Variants in LIN52 observed in about 807,000 individuals in gnomAD.
LIN52 encodes the protein lin-52 DREAM MuvB core complex component.
Under a neutral mutation model 18.5 loss-of-function variants are expected in LIN52, and 4 were observed. The observed-to-expected ratio is 0.22, with a 90% CI of 0.11 to 0.49. The LOEUF (loss-of-function observed/expected upper bound fraction) is 0.49, where lower values mean the gene tolerates loss of function less well. Among genes scored for constraint, LIN52 ranks in the 20% least tolerant of loss-of-function variants. LIN52 has a pLI of 0.97. For missense variants in LIN52, 102 were observed against 139.5 expected (o/e 0.73, Z 1.35); for synonymous variants, 34 against 45.5 (o/e 0.75, Z 1.02).
At position 74,192,381 on chromosome 14, in the gene LIN52, G is replaced by A. The variant is rs569872716; in HGVS notation, c.284-6541G>A. 1.3e-4 allele frequency among the ~76,000 whole-genome samples: 20 copies of A among 152,274 alleles called. No individual in the cohort carries two copies. The South Asian group carries it at 4.1e-3, about 32-fold the overall frequency. ...GCTCACTGCAACCTCTGCCTCCTGG[G>A]TTCAAGCGATTCTCCTGCCTCAGCC... On this transcript the variant is annotated intron_variant, in intron 5 of 5. Coordinates refer to ENST00000555028, the MANE Select transcript of LIN52 (RefSeq NM_001024674.3).
At chr14:74,197,029 A>G (rs2078916895) in intron 5 of LIN52, among the ~76,000 whole-genome samples, 1 of 152,130 alleles carries the variant, frequency 6.6e-6, no homozygotes, top group African/African-American at 2.4e-5. Context: ...TTAGTCCTTG[A>G]CCCCAGTCTC....
At chr14:74,105,746 G>GGATGAATCCCCAAGGATTCCCCAAGGA (rs1204596822) in intron 5 of LIN52, among the ~76,000 whole-genome samples, 4 of 152,098 alleles carry the variant, frequency 2.6e-5, no homozygotes, top group African/African-American at 9.7e-5. Context: ...AAGGACCAGT[G>GGATGAATCCCCAAGGATTCCCCAAGGA]ATCCTGTTTT....
intron 5 of LIN52, among the ~76,000 whole-genome samples, chr14:74,128,709 A>C (rs2061042366): frequency 6.6e-6 from 1 of 152,202 alleles, no homozygotes; most frequent in Non-Finnish European, 1.5e-5. Flanking sequence ...TGGGAGGCTG[A>C]GACAGGCAGA....
At chr14:74,093,840 G>T (rs550584015) in intron 2 of LIN52, among the ~76,000 whole-genome samples, 2 of 152,152 alleles carry the variant, frequency 1.3e-5, no homozygotes, top group Admixed American at 6.6e-5. Context: ...GGTGGCACAT[G>T]CCTGTAATCC....
At chr14:74,125,460 GTTGT>G (rs1311492046) in intron 5 of LIN52, among the ~76,000 whole-genome samples, 1 of 152,066 alleles carries the variant, frequency 6.6e-6, no homozygotes, top group Admixed American at 6.6e-5. Flanking sequence ...TTTTGATGGG[GTTGT>G]TTGTTTTTTT....
chr14:74,199,109 G>A lies in LIN52; in HGVS notation c.*132G>A. 1.5e-6 allele frequency: 1 copy of A among 646,338 alleles called. No homozygotes were observed. 40.0% of individuals were successfully genotyped at this position (646,338 alleles called of 1,614,324 possible). On this transcript the variant is annotated 3_prime_UTR_variant, in exon 6 of 6. Transcript: ENST00000555028. ...TACCTCCAGGACTGCCCTCTCCCCT[G>A]CTCCTGGCACTCTACACGTCTGAGG...
chr14:74,164,614 G>T (rs998967668), intron 5 of LIN52, among the ~76,000 whole-genome samples: 1 of 152,062 alleles, frequency 6.6e-6, no homozygotes, highest in Non-Finnish European at 1.5e-5. Context: ...AATTATGCAC[G>T]CATTATATGC....
chr14:74,129,494 T>A (rs889867337), intron 5 of LIN52, among the ~76,000 whole-genome samples: 3 of 152,136 alleles, frequency 2.0e-5, no homozygotes, highest in African/African-American at 7.2e-5. Flanking sequence ...AGATCAGGTT[T>A]GTGAGTTGGT....
chr14:74,181,124 A>G (rs926574112), intron 5 of LIN52, among the ~76,000 whole-genome samples: 27 of 114,004 alleles, frequency 2.4e-4, no homozygotes, highest in African/African-American at 5.4e-4. Flanking sequence ...AAAAAAAAAA[A>G]AAAAGAAAAA....
chr14:74,092,786 G>T (rs2060781896), intron 2 of LIN52, among the ~76,000 whole-genome samples: 1 of 151,476 alleles, frequency 6.6e-6, no homozygotes, highest in Admixed American at 6.6e-5. Flanking sequence ...CCGTGGTGGT[G>T]CACACCTGCT....
At chr14:74,149,360 T>C (rs1292095947) in intron 5 of LIN52, among the ~76,000 whole-genome samples, 1 of 152,198 alleles carries the variant, frequency 6.6e-6, no homozygotes, top group East Asian at 1.9e-4. Flanking sequence ...ACGATTAGAC[T>C]GACGTAAAGC....
intron 5 of LIN52, among the ~76,000 whole-genome samples, chr14:74,169,175 G>C (rs971678825): frequency 6.6e-6 from 1 of 152,192 alleles, no homozygotes; most frequent in Non-Finnish European, 1.5e-5. Context: ...CCTTACCTTA[G>C]TGACTGTTTC....
chr14:74,173,242 C>CA (rs1347274014), intron 5 of LIN52, among the ~76,000 whole-genome samples: 1 of 152,150 alleles, frequency 6.6e-6, no homozygotes, highest in African/African-American at 2.4e-5. Context: ...GGCTGGAGTG[C>CA]AATGGCATGA....
rs548135319 is a variant in LIN52 at position 74,163,292 on chromosome 14, C to T, written c.284-35630C>T. Among the ~76,000 whole-genome samples, 10 of 152,210 alleles carry T rather than the reference C, an allele frequency of 6.6e-5. No homozygotes were observed. The South Asian group carries it at 2.1e-3, about 32-fold the overall frequency. ...ACGGGGTTTCACCATATTGCCCGGG[C>T]TGGTCTCAAACTTCTTACCTCAAGC... On this transcript the variant is annotated intron_variant, in intron 5 of 5. Coordinates refer to ENST00000555028, the MANE Select transcript of LIN52 (RefSeq NM_001024674.3).
At chr14:74,178,705 C>G (rs1344707353) in intron 5 of LIN52, among the ~76,000 whole-genome samples, 2 of 151,662 alleles carry the variant, frequency 1.3e-5, no homozygotes, top group Non-Finnish European at 2.9e-5. Flanking sequence ...AGTGATCCAC[C>G]CACCTCAACC....
rs2139848252 is a variant in LIN52 at position 74,091,217 on chromosome 14, G to T, written c.20-15G>T. The T allele has an allele frequency of 1.9e-6, 3 of 1,589,852 alleles. No homozygotes were observed. The highest frequency in any genetic ancestry group is 2.6e-6 in the Non-Finnish European group (3 of 1,159,592). On this transcript the variant is annotated splice_polypyrimidine_tract_variant and intron_variant, in intron 1 of 5. Transcript: ENST00000555028. ...GTTTCCTGTCTTCTTGGTTCATCTGGATGTTTTGTTCTAGGGACAGATCTG... is the reference window on the plus strand; with the variant it reads ...GTTTCCTGTCTTCTTGGTTCATCTGTATGTTTTGTTCTAGGGACAGATCTG...
At chr14:74,185,567 C>A (rs1175875934) in intron 5 of LIN52, among the ~76,000 whole-genome samples, 1 of 151,972 alleles carries the variant, frequency 6.6e-6, no homozygotes, top group Non-Finnish European at 1.5e-5. Context: ...CCTGCCTCGG[C>A]CTCCGAAAGT....
Position 74,190,455 on chromosome 14 carries a change from G to A in LIN52, c.284-8467G>A, listed in dbSNP as rs999532578. On this transcript the variant is annotated intron_variant, in intron 5 of 5. Transcript: ENST00000555028. ...CACCCAGGCTTGAGTACACTGGTGC[G>A]ATCTCAGCTCACTGCAACCTCCGCC... Among the ~76,000 whole-genome samples the A allele has an allele frequency of 3.7e-5, 5 of 134,886 alleles. No homozygotes were observed. In the East Asian group the frequency reaches 7.5e-4, roughly 20 times the overall value. 88.5% of individuals were successfully genotyped at this position (134,886 alleles called of 152,430 possible). A position where few individuals can be genotyped will look rare whatever the true frequency, so the allele number is the denominator to read the frequency against.
chr14:74,139,535 C>CT (rs573288088), intron 5 of LIN52, among the ~76,000 whole-genome samples: 5 of 151,308 alleles, frequency 3.3e-5, no homozygotes, highest in Non-Finnish European at 5.9e-5. Flanking sequence ...TCTTGCAGAC[C>CT]TTTTTTTTTC....
Sources: allele counts gnomAD v4.1 joint callset (sites outside exome capture counted in the v4.1 genomes callset), GRCh38; gene constraint gnomAD v4.1.1; transcripts MANE v1.5; gene names NCBI Gene and HGNC (gene_info 2026-07-23, HGNC 2026-07-21).